The following KLHDC2 variants were observed in gnomAD, a reference collection of about 807,000 sequenced individuals.
KLHDC2 encodes the protein kelch domain containing 2, also known as kelch domain-containing protein 2.
KLHDC2 carries 38 observed loss-of-function variants against 62.3 expected under a neutral mutation model. The ratio of observed to expected loss-of-function variants is 0.61; its 90% CI spans 0.47 to 0.80. The LOEUF is 0.80. Ranked by LOEUF, KLHDC2 falls within the 30% of genes least tolerant of loss-of-function variation. KLHDC2 has a pLI of 0.00. For synonymous variants in KLHDC2, 159 were observed against 161.0 expected, an observed-to-expected ratio of 0.99 and a Z score of 0.09; for missense variants, 430 against 495.3, an observed-to-expected ratio of 0.87 and a Z score of 1.25.
At chr14:49,780,045 A>T in intron 8 of KLHDC2, 168 bp from the exon 9 acceptor site, 1 of 624,560 alleles carries the variant, frequency 1.6e-6, no homozygotes, top group Non-Finnish European at 2.8e-6. Flanking sequence ...AGTTGATTCT[A>T]ACGTCAAAGA....
At chr14:49,781,981 G>T (rs2139804392) in intron 10 of KLHDC2, 1 of 179,976 alleles carries the variant, frequency 5.6e-6, no homozygotes. Context: ...GGCTTTCTGA[G>T]ACTTTATAGT....
chr14:49,776,710 G>A (rs8013583), intron 3 of KLHDC2, among the ~76,000 whole-genome samples: 147,111 of 152,086 alleles, frequency 0.97, 71,356 homozygotes, highest in East Asian at 1. Context: ...CTTGAGGCCA[G>A]GAGTTTGAGA....
In KLHDC2 at chr14:49,782,455, G is replaced by A. The variant is rs1889950328; in HGVS notation, c.1042G>A (p.Ala348Thr). Residue 348 changes from alanine to threonine, a missense_variant and splice_region_variant, in exon 11 of 13, where the codon GCT becomes ACT. Ala to Thr is a moderately conservative substitution (Grantham distance 58). Coordinates refer to ENST00000298307, the MANE Select transcript of KLHDC2 (RefSeq NM_014315.3). ...CANNLLVHHR[A>T]AHSNEILIFS... ...CAACAACTTGCTTGTCCATCACAGAGCTGTAAGTATACTACCTTCACATTA... is the reference window on the plus strand; with the variant it reads ...CAACAACTTGCTTGTCCATCACAGAACTGTAAGTATACTACCTTCACATTA... 1 of 1,610,282 alleles carries A rather than the reference G, an allele frequency of 6.2e-7. No homozygotes were observed. Among genetic ancestry groups the A allele is most frequent in the Admixed American group, 1.7e-5 (1 of 59,816 alleles).
chr14:49,769,984 G>C (rs921576283), intron 1 of KLHDC2, among the ~76,000 whole-genome samples: 1 of 150,080 alleles, frequency 6.7e-6, no homozygotes, highest in African/African-American at 2.5e-5. Flanking sequence ...GAAGGGGGGC[G>C]GGGGGGCAAG....
In KLHDC2 at chr14:49,782,895, A is replaced by AACACTT. The variant is rs1889975379; in HGVS notation, c.1166_1171dup (p.His389_Leu390dup). The AACACTT allele has an allele frequency of 6.2e-7, 1 of 1,613,896 alleles. No homozygotes were observed. Among genetic ancestry groups the AACACTT allele is most frequent in the Non-Finnish European group, 8.5e-7 (1 of 1,179,842 alleles). ...GCCAACTCATGGAACTGCCTTCCAA[A>AACACTT]ACACTTACTTCACAGTGTTAATCAG... is the stretch of plus-strand genomic sequence containing the variant. On this transcript the variant is annotated inframe_insertion, in exon 13 of 13. Transcript: ENST00000298307.
intron 6 of KLHDC2, among the ~76,000 whole-genome samples, chr14:49,779,298 A>T (rs534777116): frequency 2.6e-4 from 39 of 152,322 alleles, no homozygotes; most frequent in Admixed American, 3.9e-4. Flanking sequence ...ACAGATAATT[A>T]TATTTCTTTT....
chr14:49,778,880 C>T (rs1401410359), intron 6 of KLHDC2, among the ~76,000 whole-genome samples: 1 of 151,914 alleles, frequency 6.6e-6, no homozygotes, highest in Non-Finnish European at 1.5e-5. Context: ...CCCGCAACCA[C>T]GCCCAGCTAA....
intron 7 of KLHDC2, 34 bp downstream of exon 7, chr14:49,779,709 T>G: frequency 6.2e-7 from 1 of 1,611,038 alleles, no homozygotes; most frequent in Non-Finnish European, 8.5e-7. Flanking sequence ...GACTTGCTTT[T>G]GAATTCTTCA....
rs544557638 is a variant in KLHDC2, at chr14:49,774,701, G to A, written c.351+23G>A. 111 of 1,354,944 alleles carry A rather than the reference G, an allele frequency of 8.2e-5. No individual in the cohort carries two copies. The South Asian group carries it at 1.2e-3, about 15-fold the overall frequency. The allele number at this position is 1,354,944 out of a possible 1,614,324, so 83.9% of individuals were successfully genotyped here. A position where few individuals can be genotyped will look rare whatever the true frequency, so the allele number is the denominator to read the frequency against. On this transcript the variant is annotated intron_variant, in intron 3 of 12. Coordinates refer to ENST00000298307, the MANE Select transcript of KLHDC2 (RefSeq NM_014315.3). ...AAGGTTAGTGTTTCTAAGGATTATGGCTTGAGGCATTTTTATTCTTATTAT... is the reference window on the plus strand; with the variant it reads ...AAGGTTAGTGTTTCTAAGGATTATGACTTGAGGCATTTTTATTCTTATTAT...
Position 49,785,008 on chromosome 14 carries a change from T to A in KLHDC2, c.*2055T>A. ...CTATTCAAGGCTGTTTTTGCAGCTG[T>A]AAATACAAAAAAGAGTAAGAATAAT... On this transcript the variant is annotated 3_prime_UTR_variant, in exon 13 of 13. Transcript: ENST00000298307. 3 of 1,612,874 alleles carry A rather than the reference T, an allele frequency of 1.9e-6. 1 individual carries two copies. The East Asian group carries it at 6.7e-5, about 36-fold the overall frequency.
In KLHDC2 at chr14:49,774,468, T is replaced by G. The variant is rs1889729982; in HGVS notation, c.234-93T>G. On this transcript the variant is annotated intron_variant, in intron 2 of 12. Transcript: ENST00000298307. ...CTACTCTGCCTTCTCATTTTATTCCTTTATTGTGAGGATATAAGTAGAAGA... is the reference window on the plus strand; with the variant it reads ...CTACTCTGCCTTCTCATTTTATTCCGTTATTGTGAGGATATAAGTAGAAGA... 1.5e-5 allele frequency: 12 copies of G among 812,422 alleles called. No homozygotes were observed. In the South Asian group the frequency reaches 1.5e-4, roughly 10 times the overall value. The allele number at this position is 812,422 out of a possible 1,614,324, so 50.3% of individuals were successfully genotyped here.
chr14:49,771,581 T>A lies in KLHDC2; in HGVS notation c.154-13T>A. 1.7e-6 allele frequency: 2 copies of A among 1,196,158 alleles called. No individual in the cohort carries two copies. The highest frequency in any genetic ancestry group is 2.5e-6 in the Non-Finnish European group (2 of 811,642). 74.1% of individuals were successfully genotyped at this position (1,196,158 alleles called of 1,614,324 possible). ...ATACCAGTTTTTATATTTACAATTT[T>A]TTTTATTCTTAGAGTAATCAAGTCA... On this transcript the variant is annotated splice_polypyrimidine_tract_variant and intron_variant, in intron 1 of 12. Coordinates refer to ENST00000298307, the MANE Select transcript of KLHDC2 (RefSeq NM_014315.3).
At position 49,782,588 on chromosome 14, in the gene KLHDC2, T is replaced by C. The variant is rs1168021700; in HGVS notation, c.1091T>C (p.Leu364Pro). 6.3e-7 allele frequency: 1 copy of C among 1,596,622 alleles called. No individual in the cohort carries two copies. The highest frequency in any genetic ancestry group is 1.1e-5 in the South Asian group (1 of 90,000). Residue 364 changes from leucine to proline, a missense_variant, in exon 12 of 13, where the codon CTT becomes CCT. Leu to Pro is a moderately conservative substitution (Grantham distance 98, BLOSUM62 -3). Coordinates refer to ENST00000298307, the MANE Select transcript of KLHDC2 (RefSeq NM_014315.3). ...ATATTTTCAGTTCAACCAAAATCTC[T>C]TGTACGGTAAGTAACTTTGTACTTG... ...ILIFSVQPKSLVRLSLEAVIC... is the reference protein window; with the variant it reads ...ILIFSVQPKSPVRLSLEAVIC...
Position 49,774,616 on chromosome 14 carries a change from G to A in KLHDC2, c.289G>A (p.Val97Met), listed in dbSNP as rs758920902. The change falls in exon 3 of 13, where the codon GTG becomes ATG. Residue 97 changes from valine to methionine, a missense_variant. Physicochemically the swap from Val to Met is conservative, Grantham distance 21 (BLOSUM62 1). Transcript: ENST00000298307. The part of the protein sequence containing the change: ...VPPSMSGSCA[V>M]CVDRVLYLFG... ...TCCTTCTATGTCAGGAAGCTGTGCT[G>A]TGTGTGTAGACAGGGTGCTGTACTT... 6.2e-7 allele frequency: 1 copy of A among 1,613,860 alleles called. No homozygotes were observed. Among genetic ancestry groups the A allele is most frequent in the African/African-American group, 1.3e-5 (1 of 74,914 alleles).
intron 8 of KLHDC2, 84 bp downstream of exon 8, chr14:49,779,890 C>A: frequency 1.1e-6 from 1 of 902,346 alleles, no homozygotes; most frequent in Non-Finnish European, 1.8e-6. Context: ...AATGTCCTTG[C>A]TTAACTTTTC....
chr14:49,775,544 G>A (rs190511487), intron 3 of KLHDC2, among the ~76,000 whole-genome samples: 13 of 151,328 alleles, frequency 8.6e-5, no homozygotes, highest in East Asian at 5.8e-4. Context: ...AATCTTGACC[G>A]AAGAGGTGAT....
In KLHDC2 at chr14:49,784,531, T is replaced by C. The variant is rs570751708; in HGVS notation, c.*1578T>C. On this transcript the variant is annotated 3_prime_UTR_variant, in exon 13 of 13. Transcript: ENST00000298307. ...GTGAATATAGCAAGGCAATGTTTAG[T>C]TCATTTTTATAATGCGGAAATCCTG... The C allele has an allele frequency of 6.1e-5, 47 of 773,896 alleles. No individual in the cohort carries two copies. In the African/African-American group the frequency reaches 6.1e-4, roughly 10 times the overall value. The allele number at this position is 773,896 out of a possible 1,614,324, so 47.9% of individuals were successfully genotyped here.
chr14:49,784,928 T>C lies in KLHDC2; in HGVS notation c.*1975T>C. The C allele has an allele frequency of 3.1e-6, 5 of 1,613,050 alleles. No homozygotes were observed. Among genetic ancestry groups the C allele is most frequent in the Non-Finnish European group, 4.2e-6 (5 of 1,179,208 alleles). Reference sequence around the variant, plus strand: ...CTTTTCTGAAGGAGAACTTTACCTTTACGCTGCGGAATAAGTCTTTTTCTC... The same window carrying C: ...CTTTTCTGAAGGAGAACTTTACCTTCACGCTGCGGAATAAGTCTTTTTCTC... On this transcript the variant is annotated 3_prime_UTR_variant, in exon 13 of 13. Transcript: ENST00000298307.
chr14:49,771,583 T>C lies in KLHDC2; in HGVS notation c.154-11T>C. ...ACCAGTTTTTATATTTACAATTTTT[T>C]TTATTCTTAGAGTAATCAAGTCAGA... On this transcript the variant is annotated splice_polypyrimidine_tract_variant and intron_variant, in intron 1 of 12. Transcript: ENST00000298307. 8.1e-7 allele frequency: 1 copy of C among 1,237,436 alleles called. No individual in the cohort carries two copies. Among genetic ancestry groups the C allele is most frequent in the East Asian group, 2.3e-5 (1 of 43,150 alleles). The allele number at this position is 1,237,436 out of a possible 1,614,324, so 76.7% of individuals were successfully genotyped here.
Sources: allele counts gnomAD v4.1 joint callset (sites outside exome capture counted in the v4.1 genomes callset), GRCh38; gene constraint gnomAD v4.1.1; transcripts MANE v1.5; gene names NCBI Gene and HGNC (gene_info 2026-07-23, HGNC 2026-07-21).